AEBP2: variants seen among roughly 807,000 people sequenced by gnomAD.
AEBP2 encodes zinc finger protein AEBP2.
AEBP2 carries 10 observed loss-of-function variants against 50.8 expected under a neutral mutation model. That is an observed-to-expected ratio of 0.20 (90% CI 0.12 to 0.33). The LOEUF is 0.33. Ranked by LOEUF, AEBP2 falls within the 10% of genes least tolerant of loss-of-function variation. The pLI, the probability that AEBP2 is intolerant of heterozygous loss-of-function variation, is 1.00. For missense variants in AEBP2, 570 were observed against 688.0 expected (o/e 0.83, Z 1.92); for synonymous variants, 296 against 261.3 (o/e 1.13, Z -1.28).
intron 1 of AEBP2, among the ~76,000 whole-genome samples, chr12:19,414,969 G>T (rs2095741444): frequency 6.6e-6 from 1 of 150,692 alleles, no homozygotes; most frequent in African/African-American, 2.4e-5. Context: ...GAACCTTCAG[G>T]GTCATACCTG....
chr12:19,507,950 C>A (rs1282117746), intron 5 of AEBP2, among the ~76,000 whole-genome samples: 1 of 152,110 alleles, frequency 6.6e-6, no homozygotes, highest in African/African-American at 2.4e-5. Flanking sequence ...CTATGAGGTA[C>A]TATACTGTTT....
intron 2 of AEBP2, among the ~76,000 whole-genome samples, chr12:19,473,027 C>A (rs976642690): frequency 2.0e-5 from 3 of 151,926 alleles, no homozygotes; most frequent in African/African-American, 4.8e-5. Context: ...ATTCTGTGAT[C>A]GGTGTGTTAA....
intron 3 of AEBP2, among the ~76,000 whole-genome samples, chr12:19,478,675 A>G (rs896150029): frequency 6.6e-6 from 1 of 152,180 alleles, no homozygotes; most frequent in East Asian, 1.9e-4. Flanking sequence ...TTGTGACACT[A>G]TTATTGTTCA....
chr12:19,422,055 T>C (rs1317672551), intron 1 of AEBP2, among the ~76,000 whole-genome samples: 1 of 151,950 alleles, frequency 6.6e-6, no homozygotes, highest in African/African-American at 2.4e-5. Context: ...GGCAGGAGAA[T>C]CACTTCAACC....
chr12:19,512,681 G>C (rs1294232864), intron 6 of AEBP2, among the ~76,000 whole-genome samples: 1 of 145,508 alleles, frequency 6.9e-6, no homozygotes, highest in Admixed American at 6.9e-5. Flanking sequence ...TTTTTTTTTT[G>C]CTGGAGGCGG....
chr12:19,498,685 A>G (rs1485042880), intron 4 of AEBP2, among the ~76,000 whole-genome samples: 1 of 152,188 alleles, frequency 6.6e-6, no homozygotes, highest in East Asian at 1.9e-4. Flanking sequence ...TAAAATAATC[A>G]ACTTATTTTG....
At chr12:19,496,301 G>A (rs750786210) in intron 4 of AEBP2, among the ~76,000 whole-genome samples, 7 of 152,294 alleles carry the variant, frequency 4.6e-5, no homozygotes, top group South Asian at 4.2e-4. Context: ...GGCAGGCTGC[G>A]TAGGGAGAGT....
chr12:19,509,072 C>G, intron 5 of AEBP2: 1 of 579,508 alleles, frequency 1.7e-6, no homozygotes. Flanking sequence ...TGGAGGGGTT[C>G]GTGCTGTGAG....
intron 5 of AEBP2, among the ~76,000 whole-genome samples, chr12:19,508,612 C>T (rs959599679): frequency 1.3e-5 from 2 of 152,144 alleles, no homozygotes; most frequent in African/African-American, 2.4e-5. Context: ...TTTTCAGAAT[C>T]TGGTAATGAA....
chr12:19,511,615 C>CAT (rs2120598260), intron 5 of AEBP2, among the ~76,000 whole-genome samples: 1 of 152,108 alleles, frequency 6.6e-6, no homozygotes, highest in African/African-American at 2.4e-5. Flanking sequence ...TTGAGGAGGT[C>CAT]CAGAAGAATG....
chr12:19,443,568 A>G (rs1325263326), intron 1 of AEBP2, among the ~76,000 whole-genome samples: 1 of 151,860 alleles, frequency 6.6e-6, no homozygotes, highest in East Asian at 2.0e-4. Flanking sequence ...TAAAAATACA[A>G]AAAAATGAGC....
intron 2 of AEBP2, among the ~76,000 whole-genome samples, chr12:19,465,361 T>C (rs1948454863): frequency 6.6e-6 from 1 of 151,846 alleles, no homozygotes; most frequent in Admixed American, 6.6e-5. Flanking sequence ...GCCACTGCAC[T>C]CCAGCCTGGG....
At position 19,521,077 on chromosome 12, in the gene AEBP2, A is replaced by G. The variant is rs1052804188; in HGVS notation, c.*2960A>G. ...GCAGATACTCAAAAATCTGAAAAAA[A>G]TCAAAAATCTGAAATACTTCTGGTC... is the stretch of plus-strand genomic sequence containing the variant. On this transcript the variant is annotated 3_prime_UTR_variant, in exon 8 of 8. Transcript: ENST00000266508. 2 of 152,206 alleles carry G rather than the reference A, an allele frequency of 1.3e-5. No homozygotes were observed. The highest frequency in any genetic ancestry group is 4.8e-5 in the African/African-American group (2 of 41,474). The allele number at this position is 152,206 out of a possible 1,614,324, so 9.4% of individuals were successfully genotyped here.
intron 1 of AEBP2, 86 bp downstream of exon 1, chr12:19,440,456 C>T (rs1947933043): frequency 1.1e-5 from 16 of 1,417,180 alleles, no homozygotes; most frequent in Admixed American, 2.9e-5. Flanking sequence ...CGTTTTGCCG[C>T]GATCCCCCTG....
intron 3 of AEBP2, among the ~76,000 whole-genome samples, chr12:19,487,012 T>C (rs1210051174): frequency 6.6e-6 from 1 of 152,138 alleles, no homozygotes. Flanking sequence ...AATTTTTGTT[T>C]CAGCAATTTG....
intron 4 of AEBP2, among the ~76,000 whole-genome samples, chr12:19,497,328 G>GATTTTTTTTTTTTTTTTTT (rs1555186666): frequency 1.3e-5 from 1 of 78,710 alleles, no homozygotes; most frequent in African/African-American, 5.1e-5. Context: ...TTCCAAAGGT[G>GATTTTTTTTTTTTTTTTTT]TTTTTTTTTT....
intron 7 of AEBP2, among the ~76,000 whole-genome samples, chr12:19,517,750 G>A (rs920724794): frequency 6.6e-6 from 1 of 152,160 alleles, no homozygotes; most frequent in South Asian, 2.1e-4. Context: ...CAGTCTTTCT[G>A]CCTTGGCTTC....
Position 19,445,370 on chromosome 12 carries a change from C to G in AEBP2, c.671+5000C>G, listed in dbSNP as rs117356726. Reference sequence around the variant, plus strand: ...CATGCCACCGTGCCCTGCTCGTTTTCTTTTTTTTTTTTTTTTTGTATTTTT... The same window carrying G: ...CATGCCACCGTGCCCTGCTCGTTTTGTTTTTTTTTTTTTTTTTGTATTTTT... On this transcript the variant is annotated intron_variant, in intron 1 of 7. Coordinates refer to ENST00000266508, the MANE Select transcript of AEBP2 (RefSeq NM_153207.5). Among the ~76,000 whole-genome samples the G allele has an allele frequency of 1.2e-3, 156 of 135,602 alleles. 1 individual carries two copies. Among genetic ancestry groups the G allele is most frequent in the African/African-American group, 4.0e-3 (150 of 37,122 alleles). 89.0% of individuals were successfully genotyped at this position (135,602 alleles called of 152,430 possible). A position where few individuals can be genotyped will look rare whatever the true frequency, so the allele number is the denominator to read the frequency against.
chr12:19,410,572 A>G (rs774212187), intron 1 of AEBP2, among the ~76,000 whole-genome samples: 2 of 152,136 alleles, frequency 1.3e-5, no homozygotes, highest in Non-Finnish European at 2.9e-5. Context: ...TGCCTCTAGG[A>G]ACTGCTTCTC....
Sources: gnomAD v4.1 joint callset for allele counts (sites outside exome capture counted in the v4.1 genomes callset) on GRCh38, gnomAD v4.1.1 for gene constraint, MANE v1.5 for transcripts, NCBI Gene and HGNC (gene_info 2026-07-23, HGNC 2026-07-21) for gene names.